Variants in RAB35 observed in about 807,000 individuals in gnomAD.
RAB35 encodes the protein RAB35, member RAS oncogene family, also known as ras-related protein Rab-35.
In RAB35, 4 loss-of-function variants were observed where a neutral mutation model predicts 28.9. The observed-to-expected ratio is 0.14, with a 90% CI of 0.07 to 0.32. The LOEUF (loss-of-function observed/expected upper bound fraction) is 0.32, where lower values mean the gene tolerates loss of function less well. RAB35 is among the 10% of genes least tolerant of loss of function. The pLI is 1.00. For missense variants in RAB35, 128 were observed against 274.0 expected, an observed-to-expected ratio of 0.47 and a Z score of 3.76; for synonymous variants, 99 against 105.1, an observed-to-expected ratio of 0.94 and a Z score of 0.35.
rs1467754628 is a variant in RAB35, at chr12:120,096,337, G to A, written c.*908C>T. The A allele has an allele frequency of 1.8e-5, 19 of 1,074,136 alleles. No individual in the cohort carries two copies. Among genetic ancestry groups the A allele is most frequent in the Non-Finnish European group, 2.2e-5 (18 of 825,440 alleles). The allele number at this position is 1,074,136 out of a possible 1,614,324, so 66.5% of individuals were successfully genotyped here. ...TGGGGTGGCCTCAACTTTTGCTGCT[G>A]TGCCAATCAAACCTCAGGGAAAGAA... On this transcript the variant is annotated 3_prime_UTR_variant, in exon 6 of 6. Coordinates refer to ENST00000229340, the MANE Select transcript of RAB35 (RefSeq NM_006861.7).
chr12:120,110,918 G>A (rs542011814), intron 1 of RAB35, among the ~76,000 whole-genome samples: 8 of 152,318 alleles, frequency 5.3e-5, no homozygotes, highest in South Asian at 2.1e-4. Flanking sequence ...CCCGAGTCCC[G>A]GGTTGGGTCC....
At chr12:120,101,531 A>G (rs749185485) in intron 3 of RAB35, among the ~76,000 whole-genome samples, 2 of 152,350 alleles carry the variant, frequency 1.3e-5, no homozygotes, top group South Asian at 2.1e-4. Context: ...AACGCCCTGC[A>G]TCGGAAAAAA....
At chr12:120,107,724 G>A (rs976850369) in intron 2 of RAB35, among the ~76,000 whole-genome samples, 8 of 151,640 alleles carry the variant, frequency 5.3e-5, no homozygotes, top group African/African-American at 1.5e-4. Flanking sequence ...AAAATTAGTC[G>A]GGCGTGGTGG....
intron 3 of RAB35, among the ~76,000 whole-genome samples, chr12:120,102,369 T>C (rs1826501013): frequency 1.3e-5 from 2 of 152,106 alleles, no homozygotes; most frequent in Admixed American, 1.3e-4. Flanking sequence ...CCCAAAGCAC[T>C]GATGCCAGCC....
chr12:120,115,500 C>T lies in RAB35; in HGVS notation c.52+1099G>A, dbSNP rs528495050. 4.6e-5 allele frequency among the ~76,000 whole-genome samples: 7 copies of T among 152,328 alleles called. No homozygotes were observed. In the South Asian group the frequency reaches 1.4e-3, roughly 32 times the overall value. ...ATATAACCCCAGCACCTCAGTTTCG[C>T]TCCCATAAACCTTCTGGGGCCTGCC... On this transcript the variant is annotated intron_variant, in intron 1 of 5. Coordinates refer to ENST00000229340, the MANE Select transcript of RAB35 (RefSeq NM_006861.7).
At chr12:120,113,913 G>A (rs558632985) in intron 1 of RAB35, among the ~76,000 whole-genome samples, 55 of 152,328 alleles carry the variant, frequency 3.6e-4, no homozygotes, top group African/African-American at 1.2e-3. Flanking sequence ...CATCCACAAT[G>A]TGCAGAGTGG....
Position 120,104,658 on chromosome 12 carries a change from G to T in RAB35, c.104-709C>A, listed in dbSNP as rs11065020. Among the ~76,000 whole-genome samples the T allele has an allele frequency of 1.5e-3, 229 of 152,158 alleles. 2 individuals are homozygous for T. Among genetic ancestry groups the T allele is most frequent in the African/African-American group, 5.1e-3 (212 of 41,504 alleles). ...GGGAAAAATGGATTTTTTTTGGTGG[G>T]GGGGGGACAGCGTCTCATTCTGTCG... On this transcript the variant is annotated intron_variant, in intron 2 of 5. Coordinates refer to ENST00000229340, the MANE Select transcript of RAB35 (RefSeq NM_006861.7).
Position 120,108,834 on chromosome 12 carries a change from G to A in RAB35, c.53-367C>T, listed in dbSNP as rs118128326. Reference sequence around the variant, plus strand: ...CGGCCCCCAAGTGCGTCTACAACATGGTCCCTAGAAAAGTGCACAGCACGT... The same window carrying A: ...CGGCCCCCAAGTGCGTCTACAACATAGTCCCTAGAAAAGTGCACAGCACGT... On this transcript the variant is annotated intron_variant, in intron 1 of 5. Transcript: ENST00000229340. 1,479 of 399,536 alleles carry A rather than the reference G, an allele frequency of 3.7e-3. 31 individuals carry two copies. The East Asian group carries it at 0.053, about 14-fold the overall frequency. The allele number at this position is 399,536 out of a possible 1,614,324, so 24.7% of individuals were successfully genotyped here. A position where few individuals can be genotyped will look rare whatever the true frequency, so the allele number is the denominator to read the frequency against.
Position 120,098,868 on chromosome 12 carries a change from C to A in RAB35, c.420G>T (p.Gly140=), listed in dbSNP as rs1250139206. Residue 140 remains glycine, a synonymous_variant, in exon 5 of 6, where the codon GGG becomes GGT. Coordinates refer to ENST00000229340, the MANE Select transcript of RAB35 (RefSeq NM_006861.7). Reference sequence around the variant, plus strand: ...TCTCGAACAACTGGATGCCCATCTGCCCGGCGAATTTGTAGGCATCTTCCG... The same window carrying A: ...TCTCGAACAACTGGATGCCCATCTGACCGGCGAATTTGTAGGCATCTTCCG... ...VETEDAYKFA[G]QMGIQLFETS... is the part of the protein sequence containing the mutation. 1 of 1,614,230 alleles carries A rather than the reference C, an allele frequency of 6.2e-7. No homozygotes were observed. The highest frequency in any genetic ancestry group is 1.7e-5 in the Admixed American group (1 of 60,028).
intron 1 of RAB35, among the ~76,000 whole-genome samples, 190 bp downstream of exon 1, chr12:120,116,409 C>T (rs1289437055): frequency 6.6e-6 from 1 of 151,818 alleles, no homozygotes; most frequent in Non-Finnish European, 1.5e-5. Context: ...TTGGCCCCTC[C>T]GCCCCGCGCC....
At chr12:120,099,421 C>T (rs1875571695) in intron 3 of RAB35, 5 of 540,688 alleles carry the variant, frequency 9.2e-6, no homozygotes, top group Non-Finnish European at 1.7e-5. Flanking sequence ...TCTGAGGAGT[C>T]ACCTCCTGCT....
Position 120,097,169 on chromosome 12 carries a change from G to A in RAB35, c.*76C>T. The A allele has an allele frequency of 6.2e-7, 1 of 1,612,900 alleles. No individual in the cohort carries two copies. Among genetic ancestry groups the A allele is most frequent in the Non-Finnish European group, 8.5e-7 (1 of 1,179,542 alleles). ...TAAATAACGGCACGAAACTGAGACTGTCCCCCGAGGAACCTCCGTGGGCCT... is the reference window on the plus strand; with the variant it reads ...TAAATAACGGCACGAAACTGAGACTATCCCCCGAGGAACCTCCGTGGGCCT... On this transcript the variant is annotated 3_prime_UTR_variant, in exon 6 of 6. Coordinates refer to ENST00000229340, the MANE Select transcript of RAB35 (RefSeq NM_006861.7).
chr12:120,101,554 C>T (rs1481249993), intron 3 of RAB35, among the ~76,000 whole-genome samples: 1 of 152,266 alleles, frequency 6.6e-6, no homozygotes, highest in Non-Finnish European at 1.5e-5. Context: ...CACGCTACTG[C>T]ATCCTGACTG....
intron 1 of RAB35, among the ~76,000 whole-genome samples, chr12:120,115,325 G>A (rs1876285913): frequency 6.6e-6 from 1 of 152,086 alleles, no homozygotes; most frequent in Admixed American, 6.6e-5. Flanking sequence ...AAGTCATACC[G>A]CTCACTTGAT....
rs1171810530 is a variant in RAB35 at position 120,095,302 on chromosome 12, G to C, written c.*1943C>G. ...ATTCATGCGTGTAACAGTGGGACAG[G>C]CACACTGTCATGACCAAAATCACCC... On this transcript the variant is annotated 3_prime_UTR_variant, in exon 6 of 6. Coordinates refer to ENST00000229340, the MANE Select transcript of RAB35 (RefSeq NM_006861.7). 3 of 149,100 alleles carry C rather than the reference G, an allele frequency of 2.0e-5. No individual in the cohort carries two copies. Among genetic ancestry groups the C allele is most frequent in the Non-Finnish European group, 3.0e-5 (2 of 67,122 alleles). 9.2% of individuals were successfully genotyped at this position (149,100 alleles called of 1,614,324 possible).
chr12:120,116,693 G>A lies in RAB35; in HGVS notation c.-43C>T. 4.1e-6 allele frequency: 5 copies of A among 1,221,504 alleles called. No individual in the cohort carries two copies. Among genetic ancestry groups the A allele is most frequent in the East Asian group, 3.2e-5 (1 of 31,092 alleles). The allele number at this position is 1,221,504 out of a possible 1,614,324, so 75.7% of individuals were successfully genotyped here. ...CGCGCGGGCGGGCGGGGTCGGTACT[G>A]GCCTCGCGATCCGCAGCTCCCTTCG... On this transcript the variant is annotated 5_prime_UTR_variant, in exon 1 of 6. Transcript: ENST00000229340.
At position 120,097,278 on chromosome 12, in the gene RAB35, C is replaced by A. The variant is rs377220526; in HGVS notation, c.573G>T (p.Thr191=). Residue 191 remains threonine (T), a synonymous_variant, in exon 6 of 6, where the codon ACG becomes ACT. Coordinates refer to ENST00000229340, the MANE Select transcript of RAB35 (RefSeq NM_006861.7). ...AGCGTTTCTTTCGTTTACTGTTCTT[C>A]GTGAGCTTCACCACATCGTTCTGTT... is the stretch of plus-strand genomic sequence containing the variant. ...QQQQNDVVKL[T]KNSKRKKRCC The A allele has an allele frequency of 6.2e-7, 1 of 1,613,918 alleles. No homozygotes were observed. Among genetic ancestry groups the A allele is most frequent in the Non-Finnish European group, 8.5e-7 (1 of 1,180,052 alleles).
At chr12:120,115,825 A>G (rs1876307611) in intron 1 of RAB35, among the ~76,000 whole-genome samples, 1 of 152,188 alleles carries the variant, frequency 6.6e-6, no homozygotes, top group Non-Finnish European at 1.5e-5. Context: ...GTGTAACAGC[A>G]AACAGTGACA....
intron 3 of RAB35, among the ~76,000 whole-genome samples, chr12:120,100,150 T>C (rs1332759132): frequency 6.6e-6 from 1 of 152,154 alleles, no homozygotes. Context: ...CAAGCCCCAG[T>C]TCAGGAACAG....
Sources: gnomAD v4.1 joint callset for allele counts (sites outside exome capture counted in the v4.1 genomes callset) on GRCh38, gnomAD v4.1.1 for gene constraint, MANE v1.5 for transcripts, NCBI Gene and HGNC (gene_info 2026-07-23, HGNC 2026-07-21) for gene names.